The following MTCL2 variants were observed in gnomAD, a reference collection of about 807,000 sequenced individuals.
The protein encoded by MTCL2 is microtubule crosslinking factor 2.
the MTCL2 span, chr20:36,784,250 C>T: frequency 3.2e-5 from 32 of 985,936 alleles, no homozygotes; most frequent in Non-Finnish European, 3.7e-5. Context: ...GCAGCAGCAT[C>T]CAAGAGCGGA....
chr20:36,777,556 G>A, the MTCL2 span: 8 of 412,586 alleles, frequency 1.9e-5, no homozygotes, highest in African/African-American at 1.2e-4. Flanking sequence ...AGGGAGAGCT[G>A]GTGGATTGGA....
the MTCL2 span, among the ~76,000 whole-genome samples, chr20:36,821,853 T>C: frequency 4.6e-5 from 7 of 152,364 alleles, no homozygotes; most frequent in East Asian, 1.3e-3. Flanking sequence ...TTCTAATCTT[T>C]TTCTGCTAAG....
the MTCL2 span, among the ~76,000 whole-genome samples, chr20:36,790,707 G>A: frequency 6.6e-6 from 1 of 151,252 alleles, no homozygotes; most frequent in Non-Finnish European, 1.5e-5. Flanking sequence ...AAAGTGCTAG[G>A]ATTACAGGCG....
the MTCL2 span, among the ~76,000 whole-genome samples, chr20:36,843,344 T>G: frequency 6.6e-6 from 1 of 152,132 alleles, no homozygotes; most frequent in Admixed American, 6.6e-5. Flanking sequence ...AGCCCTGCCC[T>G]CCAGGCCAGT....
At chr20:36,796,009 T>C in the MTCL2 span, among the ~76,000 whole-genome samples, 1 of 152,152 alleles carries the variant, frequency 6.6e-6, no homozygotes, top group Non-Finnish European at 1.5e-5. Context: ...AATAACCTGG[T>C]TGAAGCTCCT....
At chr20:36,839,825 T>A in the MTCL2 span, among the ~76,000 whole-genome samples, 1 of 152,144 alleles carries the variant, frequency 6.6e-6, no homozygotes, top group Non-Finnish European at 1.5e-5. This position sits in a 1 kb window ranked among gnomAD's most constrained non-coding sequence, Gnocchi z 5.1. Flanking sequence ...TTTCTAGACC[T>A]TTGACCTCCA....
At chr20:36,777,971 T>C in the MTCL2 span, 1 of 546,024 alleles carries the variant, frequency 1.8e-6, no homozygotes, top group South Asian at 2.4e-5. Context: ...GAAGAGGCGC[T>C]ATCTGGCCTA....
the MTCL2 span, among the ~76,000 whole-genome samples, chr20:36,852,283 G>A: frequency 7.9e-5 from 12 of 151,786 alleles, no homozygotes; most frequent in Non-Finnish European, 1.6e-4. Flanking sequence ...TGCCACCCTG[G>A]CTCTGGGCCA....
chr20:36,862,388 C>T, the MTCL2 span, among the ~76,000 whole-genome samples: 2 of 152,264 alleles, frequency 1.3e-5, no homozygotes, highest in Admixed American at 6.5e-5. Context: ...CCTCCCAGAA[C>T]GCTCCAAAGC....
the MTCL2 span, among the ~76,000 whole-genome samples, chr20:36,840,129 G>A: frequency 6.8e-6 from 1 of 146,936 alleles, no homozygotes; most frequent in East Asian, 2.0e-4. Flanking sequence ...CTCCCAAAGT[G>A]CTGGGAACAG....
At chr20:36,796,790 G>A in the MTCL2 span, 3 of 1,265,696 alleles carry the variant, frequency 2.4e-6, no homozygotes, top group East Asian at 7.0e-5. Flanking sequence ...GTGAAAGCAG[G>A]TAGAGTGGGT....
At chr20:36,787,497 GC>G in the MTCL2 span, among the ~76,000 whole-genome samples, 2 of 152,040 alleles carry the variant, frequency 1.3e-5, no homozygotes, top group Admixed American at 1.3e-4. Flanking sequence ...TGGTGGGATT[GC>G]AGGTGTGAGC....
chr20:36,794,724 G>A, the MTCL2 span: 3 of 1,234,094 alleles, frequency 2.4e-6, no homozygotes, highest in South Asian at 3.8e-5. The surrounding 1 kb of genome is among the most constrained non-coding windows in gnomAD (Gnocchi z 5.4). Flanking sequence ...TTCACCTCTT[G>A]TAGAGATGTT....
the MTCL2 span, among the ~76,000 whole-genome samples, chr20:36,840,279 C>G: frequency 6.6e-6 from 1 of 151,866 alleles, no homozygotes; most frequent in African/African-American, 2.4e-5. Flanking sequence ...ATTCTCCCGC[C>G]TCAGCCTCCT....
chr20:36,794,122 G>A, the MTCL2 span: 9 of 1,551,340 alleles, frequency 5.8e-6, no homozygotes, highest in Admixed American at 1.4e-4. This position sits in a 1 kb window ranked among gnomAD's most constrained non-coding sequence, Gnocchi z 5.4. Flanking sequence ...CCGCCGAGGG[G>A]CTGCCCGCTG....
At chr20:36,838,710 G>A in the MTCL2 span, among the ~76,000 whole-genome samples, 2 of 152,188 alleles carry the variant, frequency 1.3e-5, no homozygotes, top group African/African-American at 4.8e-5. Flanking sequence ...GCTCATGCCT[G>A]TAACCCCAGC....
At chr20:36,816,285 C>T in the MTCL2 span, 2 of 1,593,228 alleles carry the variant, frequency 1.3e-6, no homozygotes, top group Non-Finnish European at 8.5e-7. Context: ...GTGCAACTGG[C>T]ACTTCAGGTC....
At chr20:36,815,258 C>A in the MTCL2 span, 2 of 1,613,850 alleles carry the variant, frequency 1.2e-6, no homozygotes, top group Non-Finnish European at 1.7e-6. This position sits in a 1 kb window ranked among gnomAD's most constrained non-coding sequence, Gnocchi z 5.3. Flanking sequence ...CTGCCTTCCG[C>A]GTGAAGGCAT....
At chr20:36,820,126 G>A in the MTCL2 span, among the ~76,000 whole-genome samples, 1 of 152,148 alleles carries the variant, frequency 6.6e-6, no homozygotes, top group African/African-American at 2.4e-5. Context: ...GCCTCAGCTG[G>A]GAGTTGAACT....
Sources: allele counts gnomAD v4.1 joint callset (sites outside exome capture counted in the v4.1 genomes callset), GRCh38; gene constraint gnomAD v4.1.1; non-coding constraint Gnocchi (gnomAD v3.1); transcripts MANE v1.5; gene names NCBI Gene and HGNC (gene_info 2026-07-23, HGNC 2026-07-21).